TRPC1: variants seen among roughly 807,000 people sequenced by gnomAD.
TRPC1 encodes the protein short transient receptor potential channel 1.
A neutral mutation model predicts 88.2 loss-of-function variants in TRPC1; 42 were observed. That is an observed-to-expected ratio of 0.48 (90% CI 0.37 to 0.62). The LOEUF is 0.62. TRPC1 is among the 20% of genes least tolerant of loss of function. The pLI is 0.00. For synonymous variants in TRPC1, 288 were observed against 331.8 expected, an observed-to-expected ratio of 0.87 and a Z score of 1.43; for missense variants, 699 against 957.3, an observed-to-expected ratio of 0.73 and a Z score of 3.56.
At chr3:142,793,267 A>G (rs1014961847) in intron 9 of TRPC1, among the ~76,000 whole-genome samples, 10 of 152,208 alleles carry the variant, frequency 6.6e-5, no homozygotes, top group African/African-American at 2.2e-4. Context: ...TAACATAAAA[A>G]TCTGCTTTTT....
Position 142,802,277 on chromosome 3 carries a change from A to G in TRPC1, c.1690A>G (p.Thr564Ala), listed in dbSNP as rs1936643848. Residue 564 changes from threonine (T) to alanine (A), a missense_variant, in exon 10 of 13, where the codon ACT (threonine) becomes GCT (alanine). Physicochemically the swap from Thr to Ala is moderately conservative, Grantham distance 58. Transcript: ENST00000476941. ...GACACAACTGTATGATAAAGGATAT[A>G]CTTCAAAGGAGCAGAAGGACTGTGT... The part of the protein sequence containing the change: ...GLTQLYDKGY[T>A]SKEQKDCVGI... 6.3e-7 allele frequency: 1 copy of G among 1,598,674 alleles called. No individual in the cohort carries two copies. The highest frequency in any genetic ancestry group is 8.5e-7 in the Non-Finnish European group (1 of 1,173,758).
chr3:142,804,246 T>C (rs1224476948), intron 11 of TRPC1, 68 bp downstream of exon 11: 15 of 1,411,508 alleles, frequency 1.1e-5, no homozygotes, highest in East Asian at 7.0e-5. Flanking sequence ...ATAGATAAGA[T>C]AGCCAAAGAT....
intron 4 of TRPC1, among the ~76,000 whole-genome samples, chr3:142,757,494 T>G (rs1935016744): frequency 6.6e-6 from 1 of 152,160 alleles, no homozygotes; most frequent in Non-Finnish European, 1.5e-5. Context: ...TCATGTCCTT[T>G]GTGGGGACAT....
At chr3:142,756,361 C>CTTTTT (rs749438384) in intron 4 of TRPC1, among the ~76,000 whole-genome samples, 1 of 136,586 alleles carries the variant, frequency 7.3e-6, no homozygotes, top group African/African-American at 2.7e-5. Flanking sequence ...TATGATGGTT[C>CTTTTT]TTTTTTTTTT....
chr3:142,727,255 A>G (rs757430435), intron 1 of TRPC1, among the ~76,000 whole-genome samples: 6 of 152,214 alleles, frequency 3.9e-5, no homozygotes, highest in African/African-American at 9.6e-5. Context: ...TAGAGTATCT[A>G]TGGTGTTCTA....
intron 1 of TRPC1, among the ~76,000 whole-genome samples, chr3:142,730,031 T>C (rs1933834987): frequency 6.6e-6 from 1 of 152,162 alleles, no homozygotes. Context: ...TATATTTTTC[T>C]AGTTTTATAA....
At chr3:142,764,764 T>A (rs1359141627) in intron 4 of TRPC1, among the ~76,000 whole-genome samples, 1 of 152,170 alleles carries the variant, frequency 6.6e-6, no homozygotes, top group Non-Finnish European at 1.5e-5. Flanking sequence ...TTTGGTGGTC[T>A]AAGACCTTCC....
Position 142,724,479 on chromosome 3 carries a change from G to T in TRPC1, c.-81G>T. 1.5e-6 allele frequency: 2 copies of T among 1,360,396 alleles called. No homozygotes were observed. Among genetic ancestry groups the T allele is most frequent in the South Asian group, 2.9e-5 (2 of 69,958 alleles). 84.3% of individuals were successfully genotyped at this position (1,360,396 alleles called of 1,614,324 possible). ...GACTCATCCTTTTTCCAGCCCTGGG[G>T]CGTGGCTGGGGTCGGGGTCGGGGTC... On this transcript the variant is annotated 5_prime_UTR_variant, in exon 1 of 13. Coordinates refer to ENST00000476941, the MANE Select transcript of TRPC1 (RefSeq NM_001251845.2). The surrounding 1 kb of genome is among the most constrained non-coding windows in gnomAD (Gnocchi z 5.6).
At chr3:142,743,340 G>A (rs1336552211) in intron 2 of TRPC1, 145 bp from the exon 3 acceptor site, 10 of 564,108 alleles carry the variant, frequency 1.8e-5, no homozygotes, top group African/African-American at 1.9e-5. Context: ...TGTACTATTT[G>A]TACAGTCAAA....
intron 4 of TRPC1, among the ~76,000 whole-genome samples, chr3:142,764,798 C>G (rs1935327006): frequency 6.6e-6 from 1 of 152,050 alleles, no homozygotes; most frequent in Non-Finnish European, 1.5e-5. Flanking sequence ...TTATATCTTT[C>G]TCAAGTTTTG....
intron 5 of TRPC1, 22 bp from the exon 6 acceptor site, chr3:142,780,812 A>C: frequency 6.4e-7 from 1 of 1,568,926 alleles, no homozygotes; most frequent in Non-Finnish European, 8.6e-7. Flanking sequence ...CGTTTCTGAT[A>C]ATAGAATGCT....
chr3:142,779,962 C>G (rs374832629), intron 5 of TRPC1, among the ~76,000 whole-genome samples: 4 of 151,240 alleles, frequency 2.6e-5, no homozygotes, highest in African/African-American at 9.7e-5. Context: ...TTCTCCCTGC[C>G]TCAGCCTCCT....
intron 4 of TRPC1, among the ~76,000 whole-genome samples, chr3:142,769,393 G>A (rs1472751676): frequency 6.6e-6 from 1 of 151,940 alleles, no homozygotes; most frequent in Non-Finnish European, 1.5e-5. Context: ...GGGTCTTTCA[G>A]TGTTGCGCAG....
intron 1 of TRPC1, among the ~76,000 whole-genome samples, chr3:142,734,721 T>A (rs555981282): frequency 2.0e-5 from 3 of 152,108 alleles, no homozygotes; most frequent in African/African-American, 7.2e-5. Context: ...GAGGATTGCT[T>A]GAGGCCAGGA....
chr3:142,734,620 A>G (rs2108017295), intron 1 of TRPC1, among the ~76,000 whole-genome samples: 1 of 152,248 alleles, frequency 6.6e-6, no homozygotes, highest in Non-Finnish European at 1.5e-5. Context: ...CTGAAGAATT[A>G]ATGAAGGGTA....
intron 3 of TRPC1, among the ~76,000 whole-genome samples, chr3:142,746,080 G>A (rs1934543953): frequency 6.6e-6 from 1 of 152,046 alleles, no homozygotes; most frequent in Non-Finnish European, 1.5e-5. Context: ...TTCTAGAGAG[G>A]CAATATTAAA....
chr3:142,726,231 CAG>C (rs143333266), intron 1 of TRPC1, among the ~76,000 whole-genome samples: 1,819 of 152,152 alleles, frequency 0.012, 47 homozygotes, highest in East Asian at 0.089. Context: ...TTAAAGCAAA[CAG>C]AAAGTATGTC....
chr3:142,781,129 G>C, intron 6 of TRPC1, 100 bp downstream of exon 6: 1 of 938,938 alleles, frequency 1.1e-6, no homozygotes, highest in Non-Finnish European at 1.5e-6. Flanking sequence ...TAAGATCCTA[G>C]TTCTGCTTCC....
At chr3:142,797,196 G>A (rs889187345) in intron 9 of TRPC1, among the ~76,000 whole-genome samples, 2 of 150,700 alleles carry the variant, frequency 1.3e-5, no homozygotes, top group African/African-American at 2.4e-5. Context: ...TTTTGGAGGG[G>A]AATAAATTAT....
Sources: gnomAD v4.1 joint callset for allele counts (sites outside exome capture counted in the v4.1 genomes callset) on GRCh38, gnomAD v4.1.1 for gene constraint, Gnocchi (gnomAD v3.1) non-coding constraint, MANE v1.5 for transcripts, NCBI Gene and HGNC (gene_info 2026-07-23, HGNC 2026-07-21) for gene names.